Variants in DRICH1 observed in about 807,000 individuals in gnomAD.
DRICH1 encodes aspartate rich 1, also known as aspartate-rich protein 1.
DRICH1 carries 38 observed loss-of-function variants against 39.5 expected under a neutral mutation model. The ratio of observed to expected loss-of-function variants is 0.96; its 90% CI spans 0.74 to 1.26. The LOEUF is 1.26. DRICH1 is among the 50% of genes most tolerant of loss of function. The probability of loss-of-function intolerance (pLI) is 0.00; values close to 1 mark genes in which losing one functional copy is unlikely to be tolerated. For missense variants in DRICH1, 279 were observed against 270.4 expected, an observed-to-expected ratio of 1.03 and a Z score of -0.22; for synonymous variants, 84 against 99.5, an observed-to-expected ratio of 0.84 and a Z score of 0.93.
the DRICH1 span, among the ~76,000 whole-genome samples, chr22:23,600,541 C>T: frequency 6.6e-6 from 1 of 152,212 alleles, no homozygotes; most frequent in African/African-American, 2.4e-5. Context: ...GGGCACAGGG[C>T]CTGGGCACCT....
chr22:23,618,655 C>T (rs1927523393), intron 6 of DRICH1, among the ~76,000 whole-genome samples: 1 of 152,002 alleles, frequency 6.6e-6, no homozygotes, highest in African/African-American at 2.4e-5. Context: ...TCTACCTGTA[C>T]CAGTGAAGCT....
chr22:23,611,853 A>G lies in DRICH1; in HGVS notation c.685+1436T>C, dbSNP rs750228065. 1.5e-4 allele frequency among the ~76,000 whole-genome samples: 23 copies of G among 152,210 alleles called. 1 individual carries two copies. Among genetic ancestry groups the G allele is most frequent in the Non-Finnish European group, 2.5e-4 (17 of 68,042 alleles). On this transcript the variant is annotated intron_variant, in intron 11 of 11. Coordinates refer to ENST00000317749, the MANE Select transcript of DRICH1 (RefSeq NM_016449.4). ...AACAAACCTACTGCGCTGCGTCATT[A>G]CAGTAAAACAACACTTCTTTTTGGA...
chr22:23,629,726 T>C (rs1477243149), intron 1 of DRICH1, among the ~76,000 whole-genome samples: 1 of 152,104 alleles, frequency 6.6e-6, no homozygotes, highest in African/African-American at 2.4e-5. Context: ...CAAGCGATTC[T>C]CCAGCCTCAG....
At chr22:23,601,594 G>A in the DRICH1 span, among the ~76,000 whole-genome samples, 1 of 152,120 alleles carries the variant, frequency 6.6e-6, no homozygotes, top group Non-Finnish European at 1.5e-5. Context: ...CTGTGAAAGG[G>A]CAACATGAGG....
chr22:23,618,546 C>T (rs560782162), intron 6 of DRICH1, among the ~76,000 whole-genome samples: 2 of 152,160 alleles, frequency 1.3e-5, no homozygotes, highest in South Asian at 2.1e-4. Flanking sequence ...ACTTTTGGGT[C>T]CCTGTGATCA....
intron 11 of DRICH1, among the ~76,000 whole-genome samples, chr22:23,611,694 T>C (rs1200177011): frequency 6.6e-6 from 1 of 152,188 alleles, no homozygotes; most frequent in African/African-American, 2.4e-5. Flanking sequence ...TTTTGGTCAA[T>C]GACAGAACAC....
At position 23,631,857 on chromosome 22, in the gene DRICH1, C is replaced by T. The variant is rs1238184064; in HGVS notation, c.167G>A (p.Gly56Asp). The T allele has an allele frequency of 3.7e-6, 6 of 1,612,424 alleles. No individual in the cohort carries two copies. The highest frequency in any genetic ancestry group is 1.1e-5 in the South Asian group (1 of 91,014). Reference sequence around the variant, plus strand: ...GTTGCTGATGTGCTGCAGGTCTTGGCCCTCCGTGGCTCCCACATCCAGCTT... The same window carrying T: ...GTTGCTGATGTGCTGCAGGTCTTGGTCCTCCGTGGCTCCCACATCCAGCTT... ...PGKLDVGATE[G>D]QDLQHISNQK... The change falls in exon 1 of 12, where the codon GGC becomes GAC. Residue 56 changes from glycine (G) to aspartate (D), a missense_variant. By Grantham distance (94) the Gly-to-Asp change is moderately conservative. Coordinates refer to ENST00000317749, the MANE Select transcript of DRICH1 (RefSeq NM_016449.4).
intron 1 of DRICH1, among the ~76,000 whole-genome samples, chr22:23,628,102 T>C (rs1483787710): frequency 6.6e-6 from 1 of 152,208 alleles, no homozygotes; most frequent in Non-Finnish European, 1.5e-5. Flanking sequence ...AAGTGGAAAC[T>C]GATGTGTGCT....
At chr22:23,582,646 G>A in the DRICH1 span, among the ~76,000 whole-genome samples, 2 of 151,660 alleles carry the variant, frequency 1.3e-5, no homozygotes, top group African/African-American at 2.4e-5. Context: ...GCTCACTGTG[G>A]CCTCTGCCTC....
At position 23,625,682 on chromosome 22, in the gene DRICH1, TA is replaced by T. The variant is rs967840349; in HGVS notation, c.276+298del. Among the ~76,000 whole-genome samples, 21 of 150,964 alleles carry T rather than the reference TA, an allele frequency of 1.4e-4. No homozygotes were observed. The South Asian group carries it at 2.3e-3, about 17-fold the overall frequency. ...GCAACAAAATGCAGTAAGACAACCA[TA>T]AAAAAAAATACCTAAAGCCCCTACC... is the stretch of plus-strand genomic sequence containing the variant. On this transcript the variant is annotated intron_variant, in intron 2 of 11. Transcript: ENST00000317749.
At chr22:23,608,801 G>A (rs1376102938) in intron 11 of DRICH1, 33 bp from the exon 12 acceptor site, 60 of 1,555,560 alleles carry the variant, frequency 3.9e-5, no homozygotes, top group Non-Finnish European at 5.0e-5. Context: ...TTTAGTGAGA[G>A]CAGGCTCCCA....
chr22:23,582,029 G>A, the DRICH1 span, among the ~76,000 whole-genome samples: 2 of 149,966 alleles, frequency 1.3e-5, no homozygotes, highest in Non-Finnish European at 3.0e-5. Context: ...GCCCAGGCTG[G>A]AGTGCAGTGG....
intron 1 of DRICH1, among the ~76,000 whole-genome samples, chr22:23,631,535 C>T (rs182603735): frequency 1.4e-4 from 21 of 152,048 alleles, no homozygotes; most frequent in Admixed American, 1.2e-3. Context: ...GGTACCAAAC[C>T]GGCCAGATAG....
chr22:23,620,706 A>G, intron 4 of DRICH1, 91 bp from the exon 5 acceptor site: 1 of 1,454,628 alleles, frequency 6.9e-7, no homozygotes. Context: ...TGACTTCAGA[A>G]AACTAGTTGT....
the DRICH1 span, among the ~76,000 whole-genome samples, chr22:23,589,459 A>C: frequency 2.0e-5 from 3 of 150,840 alleles, no homozygotes; most frequent in Non-Finnish European, 4.4e-5. Flanking sequence ...ATTAAAAAAA[A>C]CCCAAAAAAC....
chr22:23,592,478 G>A, the DRICH1 span, among the ~76,000 whole-genome samples: 1 of 152,126 alleles, frequency 6.6e-6, no homozygotes, highest in Admixed American at 6.6e-5. Flanking sequence ...CAGGAAGTAG[G>A]GAGAGAGCTG....
intron 3 of DRICH1, 26 bp from the exon 4 acceptor site, chr22:23,622,202 G>A (rs758587006): frequency 1.2e-5 from 20 of 1,605,700 alleles, no homozygotes; most frequent in Admixed American, 6.7e-5. Flanking sequence ...GGAAAGATCC[G>A]TGCCCTGGTT....
the DRICH1 span, among the ~76,000 whole-genome samples, chr22:23,594,622 A>G: frequency 1.3e-5 from 2 of 152,192 alleles, no homozygotes; most frequent in Non-Finnish European, 2.9e-5. Flanking sequence ...ACAAGTGACT[A>G]CTCATCTGTC....
chr22:23,615,830 A>T (rs1177419925), intron 8 of DRICH1, among the ~76,000 whole-genome samples: 1 of 152,246 alleles, frequency 6.6e-6, no homozygotes, highest in Non-Finnish European at 1.5e-5. Flanking sequence ...AGATATAGAG[A>T]GCCAAGAATT....
Sources: allele counts gnomAD v4.1 joint callset (sites outside exome capture counted in the v4.1 genomes callset), GRCh38; gene constraint gnomAD v4.1.1; transcripts MANE v1.5; gene names NCBI Gene and HGNC (gene_info 2026-07-23, HGNC 2026-07-21).